Variants in APPL2 observed in about 807,000 individuals in gnomAD.
The protein encoded by APPL2 is adaptor protein, phosphotyrosine interacting with PH domain and leucine zipper 2, also known as DCC-interacting protein 13-beta.
Under a neutral mutation model 92.7 loss-of-function variants are expected in APPL2, and 84 were observed. The observed-to-expected ratio is 0.91, with a 90% CI of 0.76 to 1.09. The LOEUF (loss-of-function observed/expected upper bound fraction) is 1.09. Ranked by LOEUF, APPL2 falls within the 50% of genes least tolerant of loss-of-function variation. The probability of loss-of-function intolerance (pLI) is 0.00; values close to 1 mark genes in which losing one functional copy is unlikely to be tolerated. For missense variants in APPL2, 736 were observed against 824.5 expected, an observed-to-expected ratio of 0.89 and a Z score of 1.31; for synonymous variants, 291 against 291.0, an observed-to-expected ratio of 1.00 and a Z score of 0.00.
intron 9 of APPL2, among the ~76,000 whole-genome samples, chr12:105,201,571 G>A (rs1432939118): frequency 1.3e-5 from 2 of 151,918 alleles, no homozygotes; most frequent in East Asian, 1.9e-4. Flanking sequence ...TAGCTGCCCT[G>A]CCTTCCCCTC....
chr12:105,178,027 G>C (rs912916430), intron 17 of APPL2, among the ~76,000 whole-genome samples: 4 of 152,148 alleles, frequency 2.6e-5, no homozygotes, highest in Admixed American at 2.6e-4. Flanking sequence ...CTGACCTCAG[G>C]GGATCTGCCT....
chr12:105,201,678 T>G (rs1209728742), intron 9 of APPL2, among the ~76,000 whole-genome samples: 1 of 151,106 alleles, frequency 6.6e-6, no homozygotes, highest in Non-Finnish European at 1.5e-5. Flanking sequence ...TTTCAACTGG[T>G]TCTCTTCACA....
intron 9 of APPL2, 144 bp from the exon 10 acceptor site, chr12:105,199,675 C>A (rs557738998): frequency 1.2e-5 from 10 of 812,024 alleles, no homozygotes; most frequent in Non-Finnish European, 1.9e-5. Flanking sequence ...CCACAACCCT[C>A]TACCCTTAGG....
At position 105,200,856 on chromosome 12, in the gene APPL2, GTATGTATGTATCTATCTATC is replaced by G. The variant is rs57897823; in HGVS notation, c.705-1345_705-1326del. Among the ~76,000 whole-genome samples the G allele has an allele frequency of 5.8e-3, 644 of 111,752 alleles. 9 individuals carry two copies. The highest frequency in any genetic ancestry group is 0.023 in the African/African-American group (603 of 26,414). The allele number at this position is 111,752 out of a possible 152,430, so 73.3% of individuals were successfully genotyped here. On this transcript the variant is annotated intron_variant, in intron 9 of 20. Transcript: ENST00000258530. ...CGTATGTATGTATGTATGTATGTAT[GTATGTATGTATCTATCTATC>G]TATCTATCTATCTATCTATCTATCT...
chr12:105,227,718 C>T (rs1890625174), intron 2 of APPL2, among the ~76,000 whole-genome samples: 1 of 152,158 alleles, frequency 6.6e-6, no homozygotes, highest in Non-Finnish European at 1.5e-5. Context: ...CAGCTTGGCT[C>T]CAGCTGATTT....
At chr12:105,209,060 A>G (rs759490673) in intron 5 of APPL2, among the ~76,000 whole-genome samples, 4 of 151,846 alleles carry the variant, frequency 2.6e-5, no homozygotes, top group Admixed American at 6.6e-5. Flanking sequence ...TCCTGCTTGC[A>G]TTTTTCTTTC....
chr12:105,174,887 G>GGGGGGGGGGGGGGGGGGT (rs56754663), intron 20 of APPL2, among the ~76,000 whole-genome samples: 1 of 128,434 alleles, frequency 7.8e-6, no homozygotes, highest in Admixed American at 8.2e-5. Context: ...GGGGGGGGGG[G>GGGGGGGGGGGGGGGGGGT]TGGTGCGGCG....
chr12:105,206,966 C>A, intron 8 of APPL2, 95 bp downstream of exon 8: 1 of 1,461,080 alleles, frequency 6.8e-7, no homozygotes, highest in Non-Finnish European at 9.2e-7. Flanking sequence ...ATTTATGTTT[C>A]TTTCTACGAC....
intron 17 of APPL2, among the ~76,000 whole-genome samples, chr12:105,180,218 T>C (rs993785618): frequency 6.6e-6 from 1 of 152,220 alleles, no homozygotes; most frequent in African/African-American, 2.4e-5. Context: ...CCCAACATCA[T>C]TTATTAAATA....
intron 17 of APPL2, among the ~76,000 whole-genome samples, chr12:105,177,880 T>A (rs145127926): frequency 0.063 from 9,646 of 152,248 alleles, 378 homozygotes; most frequent in Non-Finnish European, 0.082. Flanking sequence ...AACCTCCACC[T>A]CCCGGGTTCA....
At chr12:105,192,306 T>C (rs1887275207) in intron 14 of APPL2, among the ~76,000 whole-genome samples, 1 of 152,194 alleles carries the variant, frequency 6.6e-6, no homozygotes. Context: ...CCTCACTGGC[T>C]ACAGACTTGC....
At chr12:105,180,982 G>C (rs1428165583) in intron 17 of APPL2, among the ~76,000 whole-genome samples, 1 of 152,142 alleles carries the variant, frequency 6.6e-6, no homozygotes, top group Non-Finnish European at 1.5e-5. Context: ...GCCCTGGCCA[G>C]AACTTCCAAT....
At chr12:105,185,240 T>A (rs1463461136) in intron 17 of APPL2, among the ~76,000 whole-genome samples, 3 of 152,214 alleles carry the variant, frequency 2.0e-5, no homozygotes, top group Non-Finnish European at 4.4e-5. Context: ...GCTCCCTGGC[T>A]TCAGCCCCCT....
rs1555248081 is a variant in APPL2 at position 105,186,669 on chromosome 12, T to TG, written c.1634+1603_1634+1604insC. Among the ~76,000 whole-genome samples, 3 of 64,540 alleles carry TG rather than the reference T, an allele frequency of 4.6e-5. No homozygotes were observed. In the East Asian group the frequency reaches 3.5e-3, roughly 74 times the overall value. 42.3% of individuals were successfully genotyped at this position (64,540 alleles called of 152,430 possible). A position where few individuals can be genotyped will look rare whatever the true frequency, so the allele number is the denominator to read the frequency against. The stretch of plus-strand genomic sequence containing the variant: ...TGATATCGATATCATATATATCATA[T>TG]ATATGATATATCATATATATATCAT... On this transcript the variant is annotated intron_variant, in intron 17 of 20. Transcript: ENST00000258530.
intron 2 of APPL2, among the ~76,000 whole-genome samples, chr12:105,225,876 C>T (rs17036813): frequency 0.047 from 7,133 of 152,256 alleles, 568 homozygotes; most frequent in African/African-American, 0.16. Flanking sequence ...GAAGGGCATT[C>T]GCAATATCAG....
Position 105,208,003 on chromosome 12 carries a change from T to C in APPL2, c.442A>G (p.Ser148Gly), listed in dbSNP as rs376476026. ...TTCTCCTTTTTCTTAGGCAGCCTGC[T>C]GTATTTTGCCATTGAGAGGTCATGC... ...NEHDLSMAKY[S>G]RLPKKKENEK... Residue 148 changes from serine (S) to glycine (G), a missense_variant, in exon 7 of 21, where the codon AGC becomes GGC. Physicochemically the swap from Ser to Gly is moderately conservative, Grantham distance 56. Coordinates refer to ENST00000258530, the MANE Select transcript of APPL2 (RefSeq NM_018171.5). 14 of 1,614,076 alleles carry C rather than the reference T, an allele frequency of 8.7e-6. No homozygotes were observed. Among genetic ancestry groups the C allele is most frequent in the Non-Finnish European group, 1.2e-5 (14 of 1,180,010 alleles).
At chr12:105,208,374 T>C (rs79127223) in intron 5 of APPL2, among the ~76,000 whole-genome samples, 175 bp from the exon 6 acceptor site, 2,622 of 152,274 alleles carry the variant, frequency 0.017, 34 homozygotes, top group Non-Finnish European at 0.023. Context: ...CACTGGAACA[T>C]ACGGCTTCAA....
In APPL2 at chr12:105,191,751, C is replaced by G. The variant is rs561347217; in HGVS notation, c.1242-1596G>C. On this transcript the variant is annotated intron_variant, in intron 14 of 20. Transcript: ENST00000258530. ...ACTTAAAGCATCTAACACAGCTGAT[C>G]TCTCCTTGAACTCTCCTCTCGGTTT... Among the ~76,000 whole-genome samples the G allele has an allele frequency of 7.2e-5, 11 of 152,290 alleles. No individual in the cohort carries two copies. The East Asian group carries it at 2.1e-3, about 29-fold the overall frequency.
chr12:105,191,487 AAGTG>A (rs1887189825), intron 14 of APPL2, among the ~76,000 whole-genome samples: 2 of 152,202 alleles, frequency 1.3e-5, no homozygotes, highest in Admixed American at 1.3e-4. Flanking sequence ...CAAGGGGAGA[AAGTG>A]AGTCTAAGAT....
Sources: allele counts gnomAD v4.1 joint callset (sites outside exome capture counted in the v4.1 genomes callset), GRCh38; gene constraint gnomAD v4.1.1; transcripts MANE v1.5; gene names NCBI Gene and HGNC (gene_info 2026-07-23, HGNC 2026-07-21).